Variants in PRDM5 observed in about 807,000 individuals in gnomAD.
PRDM5 encodes the protein PR/SET domain 5.
PRDM5 carries 56 observed loss-of-function variants against 81.2 expected under a neutral mutation model. The ratio of observed to expected loss-of-function variants is 0.69; its 90% CI spans 0.56 to 0.86. The LOEUF (loss-of-function observed/expected upper bound fraction) is 0.86. Among genes scored for constraint, PRDM5 ranks in the 40% least tolerant of loss-of-function variants. The probability of loss-of-function intolerance (pLI) is 0.00; values close to 1 mark genes in which losing one functional copy is unlikely to be tolerated. For missense variants in PRDM5, 697 were observed against 770.1 expected, an observed-to-expected ratio of 0.91 and a Z score of 1.12; for synonymous variants, 267 against 256.4, an observed-to-expected ratio of 1.04 and a Z score of -0.39.
chr4:120,922,281 C>T (rs1371504396), intron 1 of PRDM5, among the ~76,000 whole-genome samples: 2 of 152,120 alleles, frequency 1.3e-5, no homozygotes, highest in Non-Finnish European at 2.9e-5. Context: ...CGGCCGGCAG[C>T]GGAGCGCACC....
intron 8 of PRDM5, among the ~76,000 whole-genome samples, chr4:120,801,286 G>T (rs1752083375): frequency 6.6e-6 from 1 of 152,234 alleles, no homozygotes; most frequent in South Asian, 2.1e-4. Flanking sequence ...TACAGCACAT[G>T]AGTAATGAGT....
At position 120,818,508 on chromosome 4, in the gene PRDM5, C is replaced by T. The variant is rs1216586146; in HGVS notation, c.495G>A (p.Glu165=). The change falls in exon 5 of 16, where the codon GAG becomes GAA. Residue 165 remains glutamate (E), a synonymous_variant. Coordinates refer to ENST00000264808, the MANE Select transcript of PRDM5 (RefSeq NM_018699.4). ...ATTCACATTGAGGACAAGCATAGTC[C>T]TCTTTACAGCCAAGGCGATCTGCAC... The part of the protein sequence containing the change: ...AGRKDRLGCK[E]DYACPQCESS... The T allele has an allele frequency of 3.7e-6, 6 of 1,613,370 alleles. No homozygotes were observed. In the African/African-American group the frequency reaches 6.7e-5, roughly 18 times the overall value.
chr4:120,709,879 T>C (rs774004134), intron 15 of PRDM5, among the ~76,000 whole-genome samples: 3 of 152,186 alleles, frequency 2.0e-5, no homozygotes, highest in Admixed American at 6.6e-5. Context: ...AAGGAGTTTA[T>C]ATGCATTTTG....
intron 14 of PRDM5, among the ~76,000 whole-genome samples, chr4:120,716,050 GCA>G (rs1365052803): frequency 1.7e-4 from 26 of 152,252 alleles, no homozygotes; most frequent in Admixed American, 7.2e-4. Flanking sequence ...TGAGGGCTTT[GCA>G]GTTATCACAA....
intron 11 of PRDM5, among the ~76,000 whole-genome samples, chr4:120,782,984 T>A (rs772372582): frequency 6.6e-6 from 1 of 152,048 alleles, no homozygotes; most frequent in Non-Finnish European, 1.5e-5. Flanking sequence ...TTTATCAGAT[T>A]TTTTCCCTAT....
intron 14 of PRDM5, among the ~76,000 whole-genome samples, chr4:120,732,637 A>G (rs530040472): frequency 2.6e-5 from 4 of 152,284 alleles, no homozygotes; most frequent in South Asian, 4.1e-4. Context: ...TTTATATAAC[A>G]TATTACTAAA....
intron 8 of PRDM5, among the ~76,000 whole-genome samples, chr4:120,805,817 C>T (rs914807978): frequency 6.6e-6 from 1 of 152,154 alleles, no homozygotes; most frequent in Non-Finnish European, 1.5e-5. Flanking sequence ...TCTCTCACCA[C>T]TCCTATTCAA....
chr4:120,919,095 C>A (rs1008295464), intron 1 of PRDM5, among the ~76,000 whole-genome samples: 2 of 152,192 alleles, frequency 1.3e-5, no homozygotes, highest in Non-Finnish European at 2.9e-5. Flanking sequence ...TCAGCGACTT[C>A]AGCTCTCTGC....
At chr4:120,878,489 T>C (rs1386398202) in intron 2 of PRDM5, among the ~76,000 whole-genome samples, 3 of 152,164 alleles carry the variant, frequency 2.0e-5, no homozygotes, top group Non-Finnish European at 4.4e-5. Flanking sequence ...GGAAAATATC[T>C]AGGTAAGCTT....
rs757642966 is a variant in PRDM5, at chr4:120,852,761, AT to A, written c.300+656del. Among the ~76,000 whole-genome samples, 19 of 148,242 alleles carry A rather than the reference AT, an allele frequency of 1.3e-4. No individual in the cohort carries two copies. In the South Asian group the frequency reaches 3.8e-3, roughly 30 times the overall value. On this transcript the variant is annotated intron_variant, in intron 3 of 15. Transcript: ENST00000264808. Reference sequence around the variant, plus strand: ...CACAACCATATATATATTTTTATATATTTTTTATATTAAAAAAAGGATATAT... The same window carrying A: ...CACAACCATATATATATTTTTATATATTTTTATATTAAAAAAAGGATATAT...
chr4:120,741,963 C>A (rs1742079267), intron 14 of PRDM5, among the ~76,000 whole-genome samples: 1 of 152,208 alleles, frequency 6.6e-6, no homozygotes, highest in African/African-American at 2.4e-5. Flanking sequence ...GTAGGCTCCA[C>A]CTCTAGGGGC....
At chr4:120,917,482 G>T (rs1297364375) in intron 1 of PRDM5, among the ~76,000 whole-genome samples, 1 of 151,830 alleles carries the variant, frequency 6.6e-6, no homozygotes, top group East Asian at 1.9e-4. Flanking sequence ...TTATAGGTCT[G>T]TTATCTTGTG....
intron 10 of PRDM5, among the ~76,000 whole-genome samples, chr4:120,791,947 T>C (rs921349635): frequency 6.6e-6 from 1 of 152,176 alleles, no homozygotes; most frequent in Non-Finnish European, 1.5e-5. Context: ...CCTCACTAGA[T>C]ACCAGATTTG....
chr4:120,794,227 G>A lies in PRDM5; in HGVS notation c.1188+4040C>T, dbSNP rs144949990. Among the ~76,000 whole-genome samples the A allele has an allele frequency of 4.7e-3, 720 of 152,262 alleles. 4 individuals are homozygous for A. The highest frequency in any genetic ancestry group is 0.016 in the African/African-American group (677 of 41,530). On this transcript the variant is annotated intron_variant, in intron 10 of 15. Coordinates refer to ENST00000264808, the MANE Select transcript of PRDM5 (RefSeq NM_018699.4). ...ACCTCTCCTGCAGCATCACTGAAGA[G>A]TAACCTGATGCAAAAGCTAAAGGAA...
chr4:120,845,537 A>G (rs1317772754), intron 3 of PRDM5, among the ~76,000 whole-genome samples: 1 of 152,212 alleles, frequency 6.6e-6, no homozygotes. Flanking sequence ...GAATATTTTA[A>G]GCCCACTTCT....
intron 3 of PRDM5, among the ~76,000 whole-genome samples, chr4:120,830,924 G>C (rs760603701): frequency 9.2e-5 from 14 of 151,880 alleles, no homozygotes; most frequent in Non-Finnish European, 1.5e-4. Flanking sequence ...CTTTCTCTGA[G>C]GGGCTCAAGC....
intron 2 of PRDM5, among the ~76,000 whole-genome samples, chr4:120,871,237 A>T (rs1761755337): frequency 6.6e-6 from 1 of 152,212 alleles, no homozygotes; most frequent in Non-Finnish European, 1.5e-5. Context: ...AGGAAAGCTA[A>T]GCCTTCACCG....
chr4:120,722,241 CG>C (rs1241550617), intron 14 of PRDM5, among the ~76,000 whole-genome samples: 1 of 152,120 alleles, frequency 6.6e-6, no homozygotes, highest in Non-Finnish European at 1.5e-5. Context: ...AACCTCAGCA[CG>C]GATCAGAACC....
At chr4:120,849,822 C>A (rs1759059296) in intron 3 of PRDM5, among the ~76,000 whole-genome samples, 1 of 151,954 alleles carries the variant, frequency 6.6e-6, no homozygotes, top group South Asian at 2.1e-4. Context: ...TAAGAATCAC[C>A]CACTTCCTAT....
Sources: allele counts gnomAD v4.1 joint callset (sites outside exome capture counted in the v4.1 genomes callset), GRCh38; gene constraint gnomAD v4.1.1; transcripts MANE v1.5; gene names NCBI Gene and HGNC (gene_info 2026-07-23, HGNC 2026-07-21).